The following PSD3 variants were observed in gnomAD, a reference collection of about 807,000 sequenced individuals.
PSD3 encodes the protein pleckstrin and Sec7 domain containing 3.
A neutral mutation model predicts 105.5 loss-of-function variants in PSD3; 49 were observed. The observed-to-expected ratio is 0.46, with a 90% CI of 0.37 to 0.59. PSD3 has a LOEUF of 0.59. Among genes scored for constraint, PSD3 ranks in the 20% least tolerant of loss-of-function variants. The pLI is 0.00. For synonymous variants in PSD3, 557 were observed against 457.8 expected (o/e 1.22, Z -2.77); for missense variants, 1,561 against 1,263.8 (o/e 1.24, Z -3.57).
chr8:18,867,553 A>T, intron 4 of PSD3, 121 bp downstream of exon 4: 1 of 1,278,028 alleles, frequency 7.8e-7, no homozygotes, highest in Non-Finnish European at 1.1e-6. Context: ...TACTCACATC[A>T]TTTGCTTATG....
chr8:19,005,384 G>C (rs554067653), intron 1 of PSD3, among the ~76,000 whole-genome samples: 31 of 152,136 alleles, frequency 2.0e-4, no homozygotes, highest in Non-Finnish European at 3.5e-4. Flanking sequence ...GTGCAGAACA[G>C]CAAAATCCAG....
At position 18,949,984 on chromosome 8, in the gene PSD3, A is replaced by C. The variant is rs1823137796; in HGVS notation, c.22-13842T>G. ...AAGTCATTCTTCAAAATGTCATGAC[A>C]AGACAAGATGCATCAACTGCCTGAC... On this transcript the variant is annotated intron_variant, in intron 1 of 15. Transcript: ENST00000327040. 3.9e-5 allele frequency among the ~76,000 whole-genome samples: 6 copies of C among 152,308 alleles called. No individual in the cohort carries two copies. In the South Asian group the frequency reaches 8.3e-4, roughly 21 times the overall value.
chr8:18,676,615 G>T (rs1443452974), intron 9 of PSD3, among the ~76,000 whole-genome samples: 1 of 152,158 alleles, frequency 6.6e-6, no homozygotes, highest in African/African-American at 2.4e-5. Context: ...TTACAGCCTT[G>T]TTGCTGCTGG....
chr8:18,678,582 T>G (rs1240776415), intron 9 of PSD3, among the ~76,000 whole-genome samples: 1 of 152,202 alleles, frequency 6.6e-6, no homozygotes, highest in Non-Finnish European at 1.5e-5. Flanking sequence ...GAGGCCTAAG[T>G]GGGCGGATCG....
intron 10 of PSD3, among the ~76,000 whole-genome samples, chr8:18,637,366 T>A (rs1585460218): frequency 1.3e-5 from 2 of 152,330 alleles, no homozygotes; most frequent in East Asian, 1.9e-4. Flanking sequence ...TTTCTTGTGA[T>A]GTTCAGATTT....
At chr8:18,651,156 C>T (rs1808444209) in intron 10 of PSD3, among the ~76,000 whole-genome samples, 2 of 152,144 alleles carry the variant, frequency 1.3e-5, no homozygotes, top group African/African-American at 4.8e-5. Flanking sequence ...AGGCATAATA[C>T]TTAAGGAAGC....
intron 10 of PSD3, among the ~76,000 whole-genome samples, chr8:18,639,300 A>G (rs1048414086): frequency 2.6e-5 from 4 of 151,728 alleles, no homozygotes; most frequent in Non-Finnish European, 5.9e-5. Flanking sequence ...GTTGCTGTAC[A>G]TCTTTGGTTT....
In PSD3 at chr8:18,532,433, G is replaced by C. The variant is rs972676978; in HGVS notation, c.*3310C>G. On this transcript the variant is annotated 3_prime_UTR_variant, in exon 16 of 16. Coordinates refer to ENST00000327040, the MANE Select transcript of PSD3 (RefSeq NM_015310.4). ...CCTCATTTTCTAGATTAGGATAACA[G>C]TTGGAGACGCATAGAGGGTCTTGTG... 3.9e-5 allele frequency: 6 copies of C among 152,208 alleles called. No homozygotes were observed. Among genetic ancestry groups the C allele is most frequent in the African/African-American group, 1.4e-4 (6 of 41,460 alleles). 9.4% of individuals were successfully genotyped at this position (152,208 alleles called of 1,614,324 possible).
chr8:18,900,005 T>C (rs1311476461), intron 2 of PSD3, among the ~76,000 whole-genome samples: 5 of 151,920 alleles, frequency 3.3e-5, no homozygotes, highest in Non-Finnish European at 5.9e-5. Flanking sequence ...GCACTTTTTT[T>C]CTACAAGAAA....
At chr8:18,649,033 G>C (rs1808270305) in intron 10 of PSD3, among the ~76,000 whole-genome samples, 1 of 152,246 alleles carries the variant, frequency 6.6e-6, no homozygotes, top group African/African-American at 2.4e-5. Context: ...AACCCTCTTG[G>C]AGAACCTTTA....
At chr8:18,711,558 C>A (rs538934213) in intron 9 of PSD3, among the ~76,000 whole-genome samples, 78 of 152,224 alleles carry the variant, frequency 5.1e-4, no homozygotes, top group African/African-American at 1.6e-3. Flanking sequence ...GTAAAGGATG[C>A]AATTCAACAC....
In PSD3 at chr8:18,585,819, G is replaced by C. The variant is rs368739186; in HGVS notation, c.2482-10534C>G. 7.1e-4 allele frequency among the ~76,000 whole-genome samples: 108 copies of C among 152,222 alleles called. No homozygotes were observed. In the South Asian group the frequency reaches 0.01, roughly 15 times the overall value. Reference sequence around the variant, plus strand: ...ATTTCCCCTCATTTTACACAGAAATGAGTTGAGGTTCGCAGAGGATAATTA... The same window carrying C: ...ATTTCCCCTCATTTTACACAGAAATCAGTTGAGGTTCGCAGAGGATAATTA... On this transcript the variant is annotated intron_variant, in intron 12 of 15. Transcript: ENST00000327040.
chr8:18,585,747 G>A (rs182916712), intron 12 of PSD3, among the ~76,000 whole-genome samples: 29 of 152,228 alleles, frequency 1.9e-4, no homozygotes, highest in Non-Finnish European at 3.4e-4. Context: ...TGTGCAACAG[G>A]TGTTTTCATG....
At chr8:18,877,539 C>CTTTTTTTTTTTTT (rs61667418) in intron 2 of PSD3, among the ~76,000 whole-genome samples, 1 of 138,132 alleles carries the variant, frequency 7.2e-6, no homozygotes. Flanking sequence ...AGATGCCTAT[C>CTTTTTTTTTTTTT]TTTTTTTTTT....
chr8:18,683,982 C>A, intron 9 of PSD3: 1 of 734,728 alleles, frequency 1.4e-6, no homozygotes, highest in South Asian at 1.4e-5. Flanking sequence ...AAGGCACTTT[C>A]CAACCGTTCC....
intron 11 of PSD3, among the ~76,000 whole-genome samples, chr8:18,603,747 G>A (rs995071323): frequency 6.6e-6 from 1 of 152,194 alleles, no homozygotes; most frequent in Admixed American, 6.5e-5. Context: ...GTGACACTGA[G>A]TAAGTGAATG....
At chr8:18,569,056 G>A (rs13260705) in intron 14 of PSD3, among the ~76,000 whole-genome samples, 104,088 of 124,482 alleles carry the variant, frequency 0.84, 44,926 homozygotes, top group Non-Finnish European at 0.94. Flanking sequence ...TTATGGCTGC[G>A]TAGTATTCCA....
At chr8:18,852,710 C>A (rs989269915) in intron 4 of PSD3, among the ~76,000 whole-genome samples, 5 of 152,192 alleles carry the variant, frequency 3.3e-5, no homozygotes, top group Admixed American at 3.3e-4. Context: ...CACAAGGAAG[C>A]CCTGATGTGT....
intron 8 of PSD3, among the ~76,000 whole-genome samples, chr8:18,771,097 T>C (rs977905089): frequency 1.3e-5 from 2 of 152,150 alleles, no homozygotes; most frequent in African/African-American, 4.8e-5. Context: ...CCAGCTGTAG[T>C]CTCCAATGTC....
Sources: gnomAD v4.1 joint callset for allele counts (sites outside exome capture counted in the v4.1 genomes callset) on GRCh38, gnomAD v4.1.1 for gene constraint, MANE v1.5 for transcripts, NCBI Gene and HGNC (gene_info 2026-07-23, HGNC 2026-07-21) for gene names.